Variants in RPA3 observed in about 807,000 individuals in gnomAD.
The protein encoded by RPA3 is replication protein A3.
RPA3 carries 24 observed loss-of-function variants against 13.7 expected under a neutral mutation model. That is an observed-to-expected ratio of 1.75 (90% CI 1.27 to 2.46). RPA3 has a LOEUF of 2.46. Among genes scored for constraint, RPA3 ranks in the 30% most tolerant of loss-of-function variants. The pLI is 0.00. For missense variants in RPA3, 183 were observed against 151.0 expected (o/e 1.21, Z -1.11); for synonymous variants, 59 against 51.2 (o/e 1.15, Z -0.65).
At chr7:7,707,306 C>T (rs1780629475) in intron 2 of RPA3, among the ~76,000 whole-genome samples, 1 of 152,130 alleles carries the variant, frequency 6.6e-6, no homozygotes, top group Non-Finnish European at 1.5e-5. Context: ...ACTCAGAAGA[C>T]TTCAGAAAAT....
At position 7,640,500 on chromosome 7, in the gene RPA3, T is replaced by G; in HGVS notation, c.-82A>C. On this transcript the variant is annotated 5_prime_UTR_variant, in exon 5 of 8. Coordinates refer to ENST00000223129, the MANE Select transcript of RPA3 (RefSeq NM_002947.5). ...CCCCGCGGGTGTCTATGGGGCAGATTTCTCGGCACCAATCAGCGAAGACTA... is the reference window on the plus strand; with the variant it reads ...CCCCGCGGGTGTCTATGGGGCAGATGTCTCGGCACCAATCAGCGAAGACTA... 1 of 1,297,752 alleles carries G rather than the reference T, an allele frequency of 7.7e-7. No homozygotes were observed. Among genetic ancestry groups the G allele is most frequent in the Non-Finnish European group, 1.1e-6 (1 of 903,258 alleles). The allele number at this position is 1,297,752 out of a possible 1,614,324, so 80.4% of individuals were successfully genotyped here. A position where few individuals can be genotyped will look rare whatever the true frequency, so the allele number is the denominator to read the frequency against.
chr7:7,690,360 C>G (rs1162521497), intron 2 of RPA3, among the ~76,000 whole-genome samples: 1 of 151,920 alleles, frequency 6.6e-6, no homozygotes, highest in African/African-American at 2.4e-5. Flanking sequence ...TTTCTAGTTA[C>G]AAAATCACTT....
At chr7:7,660,332 G>C (rs1486873092) in intron 4 of RPA3, among the ~76,000 whole-genome samples, 1 of 152,198 alleles carries the variant, frequency 6.6e-6, no homozygotes, top group Non-Finnish European at 1.5e-5. Context: ...GTGTGAATTT[G>C]ATCCTGCCAT....
At chr7:7,710,764 A>G (rs1780737580) in intron 2 of RPA3, among the ~76,000 whole-genome samples, 1 of 152,226 alleles carries the variant, frequency 6.6e-6, no homozygotes, top group Non-Finnish European at 1.5e-5. Flanking sequence ...TTTTATTCAT[A>G]ATAGACCCAA....
intron 2 of RPA3, among the ~76,000 whole-genome samples, chr7:7,696,108 C>T (rs1321255045): frequency 2.6e-5 from 4 of 151,102 alleles, no homozygotes; most frequent in East Asian, 3.9e-4. Context: ...TGGGTTCAAG[C>T]GATCCTCCCA....
chr7:7,683,959 T>C (rs929602526), intron 4 of RPA3, among the ~76,000 whole-genome samples: 1 of 152,208 alleles, frequency 6.6e-6, no homozygotes, highest in Non-Finnish European at 1.5e-5. Flanking sequence ...CAGTTTTCCC[T>C]TGGTATCTGT....
chr7:7,666,903 T>A (rs571408009), intron 4 of RPA3, among the ~76,000 whole-genome samples: 1 of 152,252 alleles, frequency 6.6e-6, no homozygotes, highest in African/African-American at 2.4e-5. Context: ...CCTCCCAAGT[T>A]CAAGTAATTC....
chr7:7,693,668 A>G (rs919973458), intron 2 of RPA3, among the ~76,000 whole-genome samples: 2 of 152,156 alleles, frequency 1.3e-5, no homozygotes, highest in African/African-American at 2.4e-5. Context: ...GGATTGCACA[A>G]ATTTATGCCT....
chr7:7,639,563 C>T (rs1271023183), intron 5 of RPA3, among the ~76,000 whole-genome samples: 1 of 152,150 alleles, frequency 6.6e-6, no homozygotes, highest in Non-Finnish European at 1.5e-5. Flanking sequence ...GGGTCCTACT[C>T]CTGGGAAGCA....
chr7:7,649,531 A>T, intron 4 of RPA3, among the ~76,000 whole-genome samples: 1 of 152,174 alleles, frequency 6.6e-6, no homozygotes, highest in East Asian at 1.9e-4. Context: ...AGCAGGATTA[A>T]TTTCCACGTC....
chr7:7,696,349 A>G (rs1320646815), intron 2 of RPA3, among the ~76,000 whole-genome samples: 1 of 151,840 alleles, frequency 6.6e-6, no homozygotes, highest in Admixed American at 6.6e-5. Flanking sequence ...GTGAAGTATC[A>G]CGATAAAGAC....
At chr7:7,657,453 G>A (rs936994799) in intron 4 of RPA3, among the ~76,000 whole-genome samples, 21 of 152,080 alleles carry the variant, frequency 1.4e-4, no homozygotes, top group Admixed American at 3.9e-4. Context: ...TACGTCTTAC[G>A]TTTAGGTCTT....
At chr7:7,670,359 A>G (rs1469237821) in intron 4 of RPA3, among the ~76,000 whole-genome samples, 1 of 152,218 alleles carries the variant, frequency 6.6e-6, no homozygotes, top group Non-Finnish European at 1.5e-5. Context: ...CTCTCTATAT[A>G]TACAAAAGTT....
intron 4 of RPA3, chr7:7,641,442 G>A (rs1784972041): frequency 6.6e-6 from 1 of 152,236 alleles, no homozygotes; most frequent in Non-Finnish European, 1.5e-5. Flanking sequence ...CGAAGGGTTA[G>A]GCGGAATGAT....
chr7:7,655,082 G>C (rs1035788384), intron 4 of RPA3, among the ~76,000 whole-genome samples: 1 of 152,072 alleles, frequency 6.6e-6, no homozygotes, highest in African/African-American at 2.4e-5. Flanking sequence ...TACTGTTATA[G>C]TAACAGCAAT....
intron 4 of RPA3, among the ~76,000 whole-genome samples, chr7:7,664,450 A>G (rs1405913669): frequency 6.6e-6 from 1 of 152,206 alleles, no homozygotes; most frequent in Non-Finnish European, 1.5e-5. Flanking sequence ...CACTCTGAAT[A>G]TGCTGACACT....
chr7:7,643,772 C>T (rs950432255), intron 4 of RPA3, among the ~76,000 whole-genome samples: 1 of 150,068 alleles, frequency 6.7e-6, no homozygotes, highest in African/African-American at 2.5e-5. Flanking sequence ...GGACACTTGA[C>T]CTACTCTCTT....
chr7:7,663,013 GCC>G (rs1246628821), intron 4 of RPA3, among the ~76,000 whole-genome samples: 13 of 151,894 alleles, frequency 8.6e-5, no homozygotes, highest in African/African-American at 1.9e-4. Context: ...CTTTGAAAAA[GCC>G]TTTTTTGCCT....
intron 4 of RPA3, among the ~76,000 whole-genome samples, chr7:7,682,283 T>A (rs1779931573): frequency 6.6e-6 from 1 of 152,140 alleles, no homozygotes; most frequent in South Asian, 2.1e-4. Flanking sequence ...TTAAAACACA[T>A]TGAAATATGT....
Sources: gnomAD v4.1 joint callset for allele counts (sites outside exome capture counted in the v4.1 genomes callset) on GRCh38, gnomAD v4.1.1 for gene constraint, MANE v1.5 for transcripts, NCBI Gene and HGNC (gene_info 2026-07-23, HGNC 2026-07-21) for gene names.